Variants in VSTM2L observed in about 807,000 individuals in gnomAD.
VSTM2L encodes V-set and transmembrane domain-containing protein 2-like protein.
A neutral mutation model predicts 19.9 loss-of-function variants in VSTM2L; 9 were observed. That is an observed-to-expected ratio of 0.45 (90% confidence interval 0.27 to 0.79). VSTM2L has a LOEUF of 0.79. VSTM2L is among the 30% of genes least tolerant of loss of function. VSTM2L has a pLI of 0.15. For synonymous variants in VSTM2L, 127 were observed against 133.8 expected, an observed-to-expected ratio of 0.95 and a Z score of 0.35; for missense variants, 286 against 295.5, an observed-to-expected ratio of 0.97 and a Z score of 0.24.
intron 1 of VSTM2L, among the ~76,000 whole-genome samples, chr20:37,923,321 G>C (rs2072862531): frequency 6.6e-6 from 1 of 152,172 alleles, no homozygotes; most frequent in Non-Finnish European, 1.5e-5. Context: ...GCCTTTCCCA[G>C]AAGCCAAACC....
chr20:37,933,646 T>A, intron 3 of VSTM2L, 57 bp downstream of exon 3: 2 of 1,556,198 alleles, frequency 1.3e-6, no homozygotes, highest in South Asian at 2.3e-5. Context: ...AGCTGTGACT[T>A]AAAAAAAAAT....
intron 1 of VSTM2L, among the ~76,000 whole-genome samples, chr20:37,905,716 T>G (rs2072748192): frequency 6.6e-6 from 1 of 152,054 alleles, no homozygotes; most frequent in South Asian, 2.1e-4. Context: ...AGGTTCAAAG[T>G]CACCAAGTAG....
At chr20:37,907,693 AC>A (rs1222121850) in intron 1 of VSTM2L, among the ~76,000 whole-genome samples, 4 of 143,514 alleles carry the variant, frequency 2.8e-5, no homozygotes, top group Non-Finnish European at 6.1e-5. Flanking sequence ...ACCCACACCC[AC>A]CCCTAGGCCA....
intron 1 of VSTM2L, among the ~76,000 whole-genome samples, chr20:37,904,639 C>T (rs1013062906): frequency 1.3e-5 from 2 of 152,244 alleles, no homozygotes; most frequent in Non-Finnish European, 2.9e-5. Context: ...AGGCTGCAGC[C>T]CCAGTGCTGG....
intron 1 of VSTM2L, among the ~76,000 whole-genome samples, chr20:37,927,928 G>A (rs1464786183): frequency 6.6e-6 from 1 of 152,196 alleles, no homozygotes; most frequent in Non-Finnish European, 1.5e-5. Context: ...AGTCACACTG[G>A]CTGGGTCCGA....
intron 2 of VSTM2L, 38 bp downstream of exon 2, chr20:37,931,842 A>G: frequency 6.3e-7 from 1 of 1,598,986 alleles, no homozygotes; most frequent in Non-Finnish European, 8.5e-7. Flanking sequence ...TGGGCTGGGG[A>G]AGTCCTGGTC....
At chr20:37,933,486 C>CCCCCTT in intron 2 of VSTM2L, 53 bp from the exon 3 acceptor site, 1 of 1,458,462 alleles carries the variant, frequency 6.9e-7, no homozygotes, top group East Asian at 2.3e-5. Flanking sequence ...CCCACCCCCA[C>CCCCCTT]CCTGTGCTAA....
At chr20:37,911,137 G>C (rs924555869) in intron 1 of VSTM2L, among the ~76,000 whole-genome samples, 1 of 150,848 alleles carries the variant, frequency 6.6e-6, no homozygotes, top group Non-Finnish European at 1.5e-5. Context: ...CGGGCATGGT[G>C]GCGGGCACCT....
rs1425048613 is a variant in VSTM2L at position 37,903,393 on chromosome 20, C to T, written c.43C>T (p.Leu15=). 2.7e-6 allele frequency: 4 copies of T among 1,490,792 alleles called. No homozygotes were observed. The highest frequency in any genetic ancestry group is 2.9e-5 in the East Asian group (1 of 34,614). 92.3% of individuals were successfully genotyped at this position (1,490,792 alleles called of 1,614,324 possible). A position where few individuals can be genotyped will look rare whatever the true frequency, so the allele number is the denominator to read the frequency against. The change falls in exon 1 of 4, where the codon CTG becomes TTG. Residue 15 remains leucine (L), a synonymous_variant. Transcript: ENST00000373461. ...LAVALGALHY[L]ALFLQLGGAT... ...CGTAGCGCTGGGCGCCCTCCACTAC[C>T]TGGCACTTTTCCTGCAACTCGGCGG... is the stretch of plus-strand genomic sequence containing the variant.
At chr20:37,911,524 G>C (rs62201724) in intron 1 of VSTM2L, among the ~76,000 whole-genome samples, 15,978 of 152,298 alleles carry the variant, frequency 0.1, 966 homozygotes, top group Middle Eastern at 0.16. Context: ...AAGGGCCCAG[G>C]TGGGTGGAGC....
At chr20:37,931,504 G>T in intron 1 of VSTM2L, 131 bp from the exon 2 acceptor site, 2 of 1,001,836 alleles carry the variant, frequency 2.0e-6, no homozygotes, top group Non-Finnish European at 1.5e-6. Context: ...CAGCGGGCTT[G>T]CAGGTCACCC....
intron 1 of VSTM2L, among the ~76,000 whole-genome samples, chr20:37,928,852 A>G (rs559895624): frequency 1.3e-5 from 2 of 152,334 alleles, no homozygotes; most frequent in African/African-American, 4.8e-5. Flanking sequence ...AAATAGGCAT[A>G]TTAGCTGTGC....
At chr20:37,922,474 G>T (rs994599742) in intron 1 of VSTM2L, among the ~76,000 whole-genome samples, 1 of 152,136 alleles carries the variant, frequency 6.6e-6, no homozygotes, top group Non-Finnish European at 1.5e-5. Flanking sequence ...GGGCTGAGGG[G>T]TGACCAAGGG....
chr20:37,938,636 C>T (rs1036462822), intron 3 of VSTM2L, among the ~76,000 whole-genome samples: 5 of 152,230 alleles, frequency 3.3e-5, no homozygotes, highest in Non-Finnish European at 7.3e-5. Context: ...CTGAACTTGG[C>T]CCTGGCCAGG....
intron 3 of VSTM2L, among the ~76,000 whole-genome samples, chr20:37,939,895 C>CT (rs1472273516): frequency 6.6e-6 from 1 of 152,172 alleles, no homozygotes; most frequent in African/African-American, 2.4e-5. Context: ...CTCCTCCTCT[C>CT]TGAGAGAGGA....
chr20:37,935,143 G>A (rs76270405), intron 3 of VSTM2L, among the ~76,000 whole-genome samples: 1,723 of 152,256 alleles, frequency 0.011, 31 homozygotes, highest in African/African-American at 0.04. Flanking sequence ...CCAGGCTGCT[G>A]GGTCCCACAT....
At chr20:37,940,306 C>G (rs2072964766) in intron 3 of VSTM2L, among the ~76,000 whole-genome samples, 1 of 152,214 alleles carries the variant, frequency 6.6e-6, no homozygotes, top group Non-Finnish European at 1.5e-5. Flanking sequence ...GGGGGCACCC[C>G]CACAGCCAGA....
intron 1 of VSTM2L, among the ~76,000 whole-genome samples, chr20:37,927,035 G>T (rs981383596): frequency 6.6e-6 from 1 of 152,198 alleles, no homozygotes. Flanking sequence ...ACACAATCTC[G>T]GCTCACTGCG....
chr20:37,933,488 C>CCT, intron 2 of VSTM2L, 51 bp from the exon 3 acceptor site: 1 of 1,491,012 alleles, frequency 6.7e-7, no homozygotes, highest in Admixed American at 1.7e-5. Flanking sequence ...CACCCCCACC[C>CCT]TGTGCTAACA....
Sources: gnomAD v4.1 joint callset for allele counts (sites outside exome capture counted in the v4.1 genomes callset) on GRCh38, gnomAD v4.1.1 for gene constraint, MANE v1.5 for transcripts, NCBI Gene and HGNC (gene_info 2026-07-23, HGNC 2026-07-21) for gene names.